The following GPC5 variants were observed in gnomAD, a reference collection of about 807,000 sequenced individuals.
GPC5 encodes glypican 5.
Under a neutral mutation model 53.9 loss-of-function variants are expected in GPC5, and 47 were observed. The observed-to-expected ratio is 0.87, with a 90% confidence interval of 0.69 to 1.11. The LOEUF is 1.11. Among genes scored for constraint, GPC5 ranks in the 50% most tolerant of loss-of-function variants. The pLI is 0.00. For synonymous variants in GPC5, 286 were observed against 263.3 expected (o/e 1.09, Z -0.84); for missense variants, 748 against 713.1 (o/e 1.05, Z -0.56).
intron 7 of GPC5, among the ~76,000 whole-genome samples, chr13:92,466,812 C>T (rs887831814): frequency 2.0e-5 from 3 of 151,758 alleles, no homozygotes; most frequent in East Asian, 3.9e-4. Flanking sequence ...GGGTTAATAC[C>T]GTAAAAAGTA....
At chr13:91,868,284 G>A (rs2039105740) in intron 5 of GPC5, among the ~76,000 whole-genome samples, 1 of 152,170 alleles carries the variant, frequency 6.6e-6, no homozygotes, top group Non-Finnish European at 1.5e-5. Flanking sequence ...TGACAAGTAA[G>A]ATGAAGCCAG....
At chr13:92,318,238 G>A (rs1221047236) in intron 7 of GPC5, among the ~76,000 whole-genome samples, 2 of 152,028 alleles carry the variant, frequency 1.3e-5, no homozygotes, top group Non-Finnish European at 2.9e-5. Flanking sequence ...GCCGTCGGTG[G>A]GGTGCTGAAA....
chr13:92,250,701 T>C (rs2139128328), intron 7 of GPC5, among the ~76,000 whole-genome samples: 1 of 152,156 alleles, frequency 6.6e-6, no homozygotes, highest in East Asian at 1.9e-4. Context: ...TAACTATAGC[T>C]GGAATATGTA....
chr13:92,652,542 C>A (rs1885991694), intron 7 of GPC5, among the ~76,000 whole-genome samples: 1 of 152,104 alleles, frequency 6.6e-6, no homozygotes, highest in African/African-American at 2.4e-5. Flanking sequence ...GTGTGGCAAC[C>A]TTCCTGACCG....
At chr13:92,212,271 C>A (rs1360391) in intron 7 of GPC5, among the ~76,000 whole-genome samples, 5,944 of 152,120 alleles carry the variant, frequency 0.039, 268 homozygotes, top group African/African-American at 0.11. Flanking sequence ...AGAGGTGAAG[C>A]AGTTTGCCCA....
chr13:92,205,269 T>G (rs977348979), intron 7 of GPC5, among the ~76,000 whole-genome samples: 2 of 152,172 alleles, frequency 1.3e-5, no homozygotes, highest in Non-Finnish European at 2.9e-5. Context: ...GGCATGATCT[T>G]GGAGACCTAG....
chr13:91,831,525 A>G (rs1169190723), intron 5 of GPC5, among the ~76,000 whole-genome samples: 1 of 152,042 alleles, frequency 6.6e-6, no homozygotes, highest in Admixed American at 6.6e-5. Context: ...ATTAGTGTCT[A>G]CAGTCTGTAT....
intron 2 of GPC5, among the ~76,000 whole-genome samples, chr13:91,668,378 A>G (rs930109628): frequency 6.6e-6 from 1 of 152,242 alleles, no homozygotes; most frequent in African/African-American, 2.4e-5. Context: ...TAGTGAAAGT[A>G]TGCAGGCCCT....
intron 7 of GPC5, among the ~76,000 whole-genome samples, chr13:92,525,049 A>G (rs145443169): frequency 1.3e-5 from 2 of 152,214 alleles, no homozygotes; most frequent in African/African-American, 4.8e-5. Flanking sequence ...ATTTTGTGCC[A>G]TCTTAAATGC....
At chr13:92,126,274 A>G (rs1216879691) in intron 6 of GPC5, among the ~76,000 whole-genome samples, 1 of 152,144 alleles carries the variant, frequency 6.6e-6, no homozygotes, top group Non-Finnish European at 1.5e-5. Flanking sequence ...TCAGAAATAT[A>G]AAGTCAATAG....
At chr13:91,891,163 A>T (rs972601702) in intron 5 of GPC5, among the ~76,000 whole-genome samples, 4 of 152,220 alleles carry the variant, frequency 2.6e-5, no homozygotes, top group African/African-American at 4.8e-5. Flanking sequence ...GAACTTGAAT[A>T]TACTTACAGA....
chr13:92,338,392 T>C (rs1387143419), intron 7 of GPC5, among the ~76,000 whole-genome samples: 1 of 152,098 alleles, frequency 6.6e-6, no homozygotes, highest in Non-Finnish European at 1.5e-5. Context: ...AAGTTAAATA[T>C]ACTCTTATAT....
chr13:91,628,031 T>C (rs2034053195), intron 2 of GPC5, among the ~76,000 whole-genome samples: 1 of 152,124 alleles, frequency 6.6e-6, no homozygotes, highest in South Asian at 2.1e-4. Flanking sequence ...TAAATCTAAA[T>C]AAAATCAATT....
At chr13:92,478,948 G>A in intron 7 of GPC5, among the ~76,000 whole-genome samples, 1 of 152,136 alleles carries the variant, frequency 6.6e-6, no homozygotes, top group East Asian at 1.9e-4. Context: ...CCTCTGACTA[G>A]CAATATGAAA....
intron 6 of GPC5, among the ~76,000 whole-genome samples, chr13:91,973,790 A>G (rs2040268461): frequency 6.6e-6 from 1 of 152,152 alleles, no homozygotes; most frequent in South Asian, 2.1e-4. Context: ...CGGTGGCTGT[A>G]GAACAGTGGA....
chr13:91,762,565 A>G (rs1371167103), intron 5 of GPC5, among the ~76,000 whole-genome samples: 3 of 150,028 alleles, frequency 2.0e-5, no homozygotes, highest in Non-Finnish European at 3.0e-5. Flanking sequence ...TATGACTTAA[A>G]CACCAGTTTG....
At chr13:91,789,646 A>C (rs76561728) in intron 5 of GPC5, among the ~76,000 whole-genome samples, 5,814 of 152,332 alleles carry the variant, frequency 0.038, 141 homozygotes, top group Middle Eastern at 0.065. Flanking sequence ...TTTCTACTAT[A>C]CAGACAATGT....
At chr13:92,090,238 AT>A (rs2041369230) in intron 6 of GPC5, among the ~76,000 whole-genome samples, 1 of 152,158 alleles carries the variant, frequency 6.6e-6, no homozygotes, top group Non-Finnish European at 1.5e-5. Flanking sequence ...CATAAAATAT[AT>A]TGCCATTTTT....
rs1379445933 is a variant in GPC5 at position 92,376,631 on chromosome 13, T to C, written c.1561+231642T>C. Among the ~76,000 whole-genome samples, 3 of 152,252 alleles carry C rather than the reference T, an allele frequency of 2.0e-5. No homozygotes were observed. In the East Asian group the frequency reaches 5.8e-4, roughly 29 times the overall value. ...AAAGGAGAGTTTAAGTTAATGACAG[T>C]ATATTGTGTTAATAAGTTTCAATTT... On this transcript the variant is annotated intron_variant, in intron 7 of 7. Transcript: ENST00000377067.
Sources: allele counts gnomAD v4.1 joint callset (sites outside exome capture counted in the v4.1 genomes callset), GRCh38; gene constraint gnomAD v4.1.1; transcripts MANE v1.5; gene names NCBI Gene and HGNC (gene_info 2026-07-23, HGNC 2026-07-21).